MAOA: variants seen among roughly 807,000 people sequenced by gnomAD.
MAOA encodes the protein monoamine oxidase A.
A neutral mutation model predicts 42.0 loss-of-function variants in MAOA; 6 were observed. The observed-to-expected ratio is 0.14, with a 90% CI of 0.08 to 0.28. The LOEUF (loss-of-function observed/expected upper bound fraction) is 0.28, where lower values mean the gene tolerates loss of function less well. Among genes scored for constraint, MAOA ranks in the 10% least tolerant of loss-of-function variants. The pLI is 1.00. For missense variants in MAOA, 262 were observed against 422.3 expected (o/e 0.62, Z 3.33); for synonymous variants, 140 against 154.0 (o/e 0.91, Z 0.67).
intron 8 of MAOA, 135 bp from the exon 9 acceptor site, chrX:43,732,564 A>ATAACG: frequency 2.0e-5 from 10 of 500,779 alleles, no homozygotes; most frequent in African/African-American, 2.4e-5. Flanking sequence ...TTAACAAGAC[A>ATAACG]TGTAGGGTTG....
At chrX:43,708,086 C>CT (rs1484230169) in intron 3 of MAOA, among the ~76,000 whole-genome samples, 1 of 111,542 alleles carries the variant, frequency 9.0e-6, no homozygotes, top group Non-Finnish European at 1.9e-5. Flanking sequence ...CTCAAAGTCA[C>CT]TTAAGTGTTT....
chrX:43,657,133 TTA>T (rs779602410), intron 1 of MAOA, among the ~76,000 whole-genome samples: 1 of 85,532 alleles, frequency 1.2e-5, no homozygotes, highest in Non-Finnish European at 2.3e-5. Context: ...TGAACTGTGT[TTA>T]TATATATATA....
intron 1 of MAOA, among the ~76,000 whole-genome samples, chrX:43,660,309 G>T (rs1429204533): frequency 9.0e-6 from 1 of 110,718 alleles, no homozygotes; most frequent in Admixed American, 9.6e-5. Context: ...TACAATAATG[G>T]CTCTCCCTTT....
In MAOA at chrX:43,675,847, C is replaced by T. The variant is rs765585094; in HGVS notation, c.74-7666C>T. Among the ~76,000 whole-genome samples, 170 of 111,988 alleles carry T rather than the reference C, an allele frequency of 1.5e-3. 1 individual carries two copies. Among genetic ancestry groups the T allele is most frequent in the Non-Finnish European group, 2.2e-3 (116 of 53,104 alleles). ...CCGGCCTTGTGAGGTGTCAGTCTGC[C>T]TCTACTGGGGGGTGCCTCCCAGTTA... On this transcript the variant is annotated intron_variant, in intron 1 of 14. Coordinates refer to ENST00000338702, the MANE Select transcript of MAOA (RefSeq NM_000240.4).
At chrX:43,712,637 A>T (rs921089271) in intron 4 of MAOA, 68 bp from the exon 5 acceptor site, 3 of 706,756 alleles carry the variant, frequency 4.2e-6, no homozygotes, top group South Asian at 2.2e-5. Flanking sequence ...AGAGGTTTTC[A>T]TGAGGGCCTT....
chrX:43,669,919 G>C (rs2033314673), intron 1 of MAOA, among the ~76,000 whole-genome samples: 1 of 111,885 alleles, frequency 8.9e-6, no homozygotes, highest in South Asian at 3.7e-4. Flanking sequence ...GGGAAACACA[G>C]ATTTAGAGAA....
At chrX:43,694,853 G>A (rs2033564133) in intron 3 of MAOA, among the ~76,000 whole-genome samples, 1 of 112,090 alleles carries the variant, frequency 8.9e-6, no homozygotes, top group Non-Finnish European at 1.9e-5. Context: ...GGAAGCAAAT[G>A]AGTGTGATGA....
intron 3 of MAOA, among the ~76,000 whole-genome samples, chrX:43,694,872 G>T (rs771361624): frequency 8.9e-6 from 1 of 111,928 alleles, no homozygotes; most frequent in Non-Finnish European, 1.9e-5. Context: ...GATTATCTTG[G>T]AATCTGTGCA....
At position 43,731,105 on chromosome X, in the gene MAOA, GTCT is replaced by G; in HGVS notation, c.646-132_646-130del. 6 of 583,582 alleles carry G rather than the reference GTCT, an allele frequency of 1.0e-5. No homozygotes were observed. The South Asian group carries it at 1.2e-4, about 12-fold the overall frequency. The allele number at this position is 583,582 out of a possible 1,213,427, so 48.1% of individuals were successfully genotyped here. ...TCAACTCTGCCTCTGTCCTAATGAA[GTCT>G]TCTGACAGTTAAGTGTGCAGACGTT... On this transcript the variant is annotated intron_variant, in intron 6 of 14. Transcript: ENST00000338702.
intron 3 of MAOA, 75 bp downstream of exon 3, chrX:43,693,503 T>C (rs1464777187): frequency 9.2e-7 from 1 of 1,084,748 alleles, no homozygotes; most frequent in Non-Finnish European, 1.3e-6. Context: ...TGTTTTTAGT[T>C]ATTTTTCTTT....
intron 8 of MAOA, among the ~76,000 whole-genome samples, chrX:43,732,088 G>T (rs1265897943): frequency 1.8e-5 from 2 of 111,565 alleles, no homozygotes; most frequent in Middle Eastern, 4.2e-3. Context: ...GGCCACCATT[G>T]CCCTGACTCC....
intron 9 of MAOA, among the ~76,000 whole-genome samples, chrX:43,734,411 T>C (rs1249005872): frequency 9.0e-6 from 1 of 111,406 alleles, no homozygotes; most frequent in Non-Finnish European, 1.9e-5. Context: ...TGCAAGTTTT[T>C]ATGTGTACAA....
chrX:43,682,697 C>T (rs149758932), intron 1 of MAOA, among the ~76,000 whole-genome samples: 1,116 of 111,262 alleles, frequency 0.01, 15 homozygotes, highest in African/African-American at 0.035. Flanking sequence ...CTATGCATAG[C>T]CTTTTACAGT....
chrX:43,725,747 A>T (rs1466880388), intron 5 of MAOA, among the ~76,000 whole-genome samples: 1 of 111,622 alleles, frequency 9.0e-6, no homozygotes, highest in African/African-American at 3.3e-5. Flanking sequence ...CCGCTAGTTG[A>T]TGCAGTTTCT....
intron 5 of MAOA, among the ~76,000 whole-genome samples, chrX:43,724,368 G>A (rs1246914369): frequency 9.0e-6 from 1 of 111,487 alleles, no homozygotes. Context: ...CCTGTTATTG[G>A]TCTATTCAGA....
At chrX:43,683,415 G>A in intron 1 of MAOA, 98 bp from the exon 2 acceptor site, 1 of 622,421 alleles carries the variant, frequency 1.6e-6, no homozygotes, top group South Asian at 2.3e-5. Context: ...TCATTGGATT[G>A]TATATGATAC....
intron 1 of MAOA, among the ~76,000 whole-genome samples, chrX:43,667,046 G>A (rs182042509): frequency 1.8e-5 from 2 of 109,049 alleles, no homozygotes; most frequent in African/African-American, 3.4e-5. Flanking sequence ...TGTAAATGAC[G>A]AGTCAATGGG....
In MAOA at chrX:43,732,782, C is replaced by T; in HGVS notation, c.1039C>T (p.Pro347Ser). 2 of 1,201,840 alleles carry T rather than the reference C, an allele frequency of 1.7e-6. No homozygotes were observed. Among genetic ancestry groups the T allele is most frequent in the Non-Finnish European group, 2.3e-6 (2 of 886,807 alleles). The change falls in exon 9 of 15, where the codon CCT becomes TCT. Residue 347 changes from proline to serine, a missense_variant. Coordinates refer to ENST00000338702, the MANE Select transcript of MAOA (RefSeq NM_000240.4). ...TGACACCAAGCCAGATGGGTCACTG[C>T]CTGCCATCATGGGGTAGGTTAGAGC... is the stretch of plus-strand genomic sequence containing the variant. ...LDDTKPDGSL[P>S]AIMGFILARK...
intron 1 of MAOA, among the ~76,000 whole-genome samples, chrX:43,672,609 A>G (rs1476908534): frequency 9.9e-5 from 11 of 111,579 alleles, no homozygotes; most frequent in Non-Finnish European, 1.7e-4. Context: ...TTATTTCGAG[A>G]TACGTCCCAT....
Sources: allele counts gnomAD v4.1 joint callset (sites outside exome capture counted in the v4.1 genomes callset), GRCh38; gene constraint gnomAD v4.1.1; transcripts MANE v1.5; gene names NCBI Gene and HGNC (gene_info 2026-07-23, HGNC 2026-07-21).